Variants in FGD3 observed in about 807,000 individuals in gnomAD.
The protein encoded by FGD3 is FYVE, RhoGEF and PH domain-containing protein 3.
FGD3 carries 45 observed loss-of-function variants against 71.8 expected under a neutral mutation model. The ratio of observed to expected loss-of-function variants is 0.63; its 90% CI spans 0.49 to 0.80. FGD3 has a LOEUF of 0.80. Ranked by LOEUF, FGD3 falls within the 30% of genes least tolerant of loss-of-function variation. The pLI is 0.00. For missense variants in FGD3, 844 were observed against 951.5 expected (o/e 0.89, Z 1.49); for synonymous variants, 378 against 392.8 (o/e 0.96, Z 0.44).
chr9:92,967,766 G>A (rs960862991), intron 1 of FGD3, among the ~76,000 whole-genome samples: 2 of 152,158 alleles, frequency 1.3e-5, no homozygotes, highest in Non-Finnish European at 2.9e-5. Context: ...GTAGAGACAG[G>A]GTTTCATCAT....
At chr9:93,026,829 A>T (rs1400587227) in intron 14 of FGD3, among the ~76,000 whole-genome samples, 4 of 152,198 alleles carry the variant, frequency 2.6e-5, no homozygotes, top group African/African-American at 9.6e-5. Flanking sequence ...CTCAGCTACC[A>T]TGCAGTGCTG....
chr9:93,035,767 C>A lies in FGD3; in HGVS notation c.*178C>A. ...AGGCCCAGAGAGGGGCAACCACTGG[C>A]CAAGGGTCACCCAGCAAGTTTTGGC... On this transcript the variant is annotated 3_prime_UTR_variant, in exon 18 of 18. Transcript: ENST00000375482. 1.1e-6 allele frequency: 1 copy of A among 943,572 alleles called. No homozygotes were observed. Among genetic ancestry groups the A allele is most frequent in the Non-Finnish European group, 1.5e-6 (1 of 669,784 alleles). The allele number at this position is 943,572 out of a possible 1,614,324, so 58.4% of individuals were successfully genotyped here.
In FGD3 at chr9:93,004,068, T is replaced by C; in HGVS notation, c.611T>C (p.Ile204Thr). The change falls in exon 5 of 18, where the codon ATC becomes ACC. Residue 204 changes from isoleucine (I) to threonine (T), a missense_variant. Physicochemically the swap from Ile to Thr is moderately conservative, Grantham distance 89. Coordinates refer to ENST00000375482, the MANE Select transcript of FGD3 (RefSeq NM_001083536.2). ...PEVIMGIFSN[I>T]SSIHRFHGQF... Reference sequence around the variant, plus strand: ...GTCATCATGGGCATATTCTCTAACATCTCCTCCATCCACCGCTTCCACGGG... The same window carrying C: ...GTCATCATGGGCATATTCTCTAACACCTCCTCCATCCACCGCTTCCACGGG... 6.2e-7 allele frequency: 1 copy of C among 1,614,050 alleles called. No individual in the cohort carries two copies. Among genetic ancestry groups the C allele is most frequent in the Non-Finnish European group, 8.5e-7 (1 of 1,179,994 alleles).
intron 1 of FGD3, among the ~76,000 whole-genome samples, chr9:92,971,541 T>TTTTTCTTTTCTTTTC (rs201916658): frequency 1.3e-4 from 11 of 87,736 alleles, no homozygotes; most frequent in African/African-American, 2.9e-4. Context: ...AAGGGTGGGA[T>TTTTTCTTTTCTTTTC]TTTTCTTTTC....
At chr9:93,028,542 G>A (rs78037191) in intron 14 of FGD3, among the ~76,000 whole-genome samples, 1,703 of 152,290 alleles carry the variant, frequency 0.011, 38 homozygotes, top group African/African-American at 0.039. Flanking sequence ...CCTCCCCAGA[G>A]AGGAAATGCT....
intron 1 of FGD3, among the ~76,000 whole-genome samples, chr9:92,965,406 A>G (rs879456958): frequency 2.6e-5 from 4 of 152,232 alleles, no homozygotes; most frequent in African/African-American, 9.6e-5. Context: ...GAGCCCCAGT[A>G]CAAATCTTCA....
At position 92,969,512 on chromosome 9, in the gene FGD3, C is replaced by T. The variant is rs531368811; in HGVS notation, c.-217-5726C>T. On this transcript the variant is annotated intron_variant, in intron 1 of 17. Transcript: ENST00000375482. The surrounding 1 kb of genome is among the most constrained non-coding windows in gnomAD (Gnocchi z 4.5). ...GGCAGTTTAAAAACCACCACTAACGCGTTTGTTGCTCCCCCTACATAACAT... is the reference window on the plus strand; with the variant it reads ...GGCAGTTTAAAAACCACCACTAACGTGTTTGTTGCTCCCCCTACATAACAT... 3.3e-5 allele frequency among the ~76,000 whole-genome samples: 5 copies of T among 152,202 alleles called. No homozygotes were observed. The highest frequency in any genetic ancestry group is 1.9e-4 in the East Asian group (1 of 5,194).
At chr9:92,977,915 A>G (rs1859827752) in intron 3 of FGD3, among the ~76,000 whole-genome samples, 1 of 152,212 alleles carries the variant, frequency 6.6e-6, no homozygotes, top group African/African-American at 2.4e-5. Flanking sequence ...GACTGACAGA[A>G]TAGACTCTGT....
At chr9:92,989,333 T>G (rs138650086) in intron 3 of FGD3, among the ~76,000 whole-genome samples, 128 of 152,132 alleles carry the variant, frequency 8.4e-4, no homozygotes, top group Middle Eastern at 3.4e-3. Context: ...ACAGGCGTGA[T>G]CCACCGCGCC....
At chr9:92,978,599 G>A (rs1294401415) in intron 3 of FGD3, among the ~76,000 whole-genome samples, 1 of 151,898 alleles carries the variant, frequency 6.6e-6, no homozygotes, top group Non-Finnish European at 1.5e-5. Flanking sequence ...GAGCCTGACT[G>A]TAATACATTT....
chr9:92,977,961 A>C (rs967526684), intron 3 of FGD3, among the ~76,000 whole-genome samples: 3 of 152,198 alleles, frequency 2.0e-5, no homozygotes, highest in African/African-American at 7.2e-5. Flanking sequence ...AGGACCAGGC[A>C]AGTGTACACA....
At chr9:93,030,028 A>G in intron 15 of FGD3, 32 bp downstream of exon 15, 1 of 1,605,024 alleles carries the variant, frequency 6.2e-7, no homozygotes, top group Non-Finnish European at 8.5e-7. Context: ...CAGGGACAGG[A>G]GGCCACCCTG....
intron 3 of FGD3, among the ~76,000 whole-genome samples, chr9:92,989,276 C>T (rs936772655): frequency 2.0e-5 from 3 of 152,090 alleles, no homozygotes; most frequent in African/African-American, 7.2e-5. Flanking sequence ...GTCTTGATCT[C>T]CTGACCTCGA....
At chr9:92,950,438 T>C (rs1235332517) in intron 1 of FGD3, among the ~76,000 whole-genome samples, 2 of 139,578 alleles carry the variant, frequency 1.4e-5, no homozygotes, top group Non-Finnish European at 3.1e-5. Context: ...AAAAAGCAAA[T>C]GGGTAAAAAG....
chr9:92,954,466 C>A (rs547837806), intron 1 of FGD3, among the ~76,000 whole-genome samples: 6 of 152,318 alleles, frequency 3.9e-5, no homozygotes, highest in Non-Finnish European at 7.3e-5. Flanking sequence ...ATTGGAGAAG[C>A]AGCCGGGCTC....
intron 3 of FGD3, among the ~76,000 whole-genome samples, chr9:92,991,004 TTATAGGTTCA>T (rs1860386264): frequency 6.6e-6 from 1 of 152,222 alleles, no homozygotes; most frequent in African/African-American, 2.4e-5. Context: ...CAATTGTTCT[TTATAGGTTCA>T]GTAGAATTCA....
intron 14 of FGD3, among the ~76,000 whole-genome samples, chr9:93,023,460 C>T (rs1423941193): frequency 2.0e-5 from 3 of 152,316 alleles, no homozygotes; most frequent in East Asian, 3.9e-4. Context: ...ATTCACAAAG[C>T]GCAGCCACCT....
At chr9:93,007,191 C>T (rs1361767201) in intron 6 of FGD3, among the ~76,000 whole-genome samples, 1 of 151,654 alleles carries the variant, frequency 6.6e-6, no homozygotes, top group African/African-American at 2.4e-5. Context: ...CCCAGGTTCA[C>T]GCCATTCTCC....
chr9:92,971,870 T>C (rs1192513115), intron 1 of FGD3, among the ~76,000 whole-genome samples: 1 of 151,868 alleles, frequency 6.6e-6, no homozygotes, highest in Non-Finnish European at 1.5e-5. Context: ...ACAATCAAGG[T>C]AATGAATATG....
Sources: allele counts gnomAD v4.1 joint callset (sites outside exome capture counted in the v4.1 genomes callset), GRCh38; gene constraint gnomAD v4.1.1; non-coding constraint Gnocchi (gnomAD v3.1); transcripts MANE v1.5; gene names NCBI Gene and HGNC (gene_info 2026-07-23, HGNC 2026-07-21).